Variants in SERBP1 observed in about 807,000 individuals in gnomAD.
The protein encoded by SERBP1 is SERPINE1 mRNA binding protein 1, also known as SERPINE1 mRNA-binding protein 1.
SERBP1 carries 6 observed loss-of-function variants against 50.2 expected under a neutral mutation model. That is an observed-to-expected ratio of 0.12 (90% CI 0.07 to 0.24). SERBP1 has a LOEUF of 0.24. SERBP1 is among the 10% of genes least tolerant of loss of function. The pLI, the probability that SERBP1 is intolerant of heterozygous loss-of-function variation, is 1.00. For synonymous variants in SERBP1, 168 were observed against 182.8 expected (o/e 0.92, Z 0.65); for missense variants, 346 against 524.9 (o/e 0.66, Z 3.33).
intron 5 of SERBP1, 76 bp from the exon 6 acceptor site, chr1:67,420,262 A>G: frequency 1.7e-6 from 2 of 1,197,252 alleles, no homozygotes; most frequent in Middle Eastern, 2.0e-4. Flanking sequence ...TTATGATTTT[A>G]ATTGAGAAAA....
chr1:67,420,495 T>C (rs1051729974), intron 5 of SERBP1: 3 of 211,042 alleles, frequency 1.4e-5, no homozygotes, highest in African/African-American at 2.3e-5. Flanking sequence ...TTAAAAACAC[T>C]ACCTTGTTTA....
rs746036357 is a variant in SERBP1 at position 67,430,314 on chromosome 1, C to T, written c.-14G>A. 7 of 1,484,058 alleles carry T rather than the reference C, an allele frequency of 4.7e-6. No individual in the cohort carries two copies. In the South Asian group the frequency reaches 9.7e-5, roughly 21 times the overall value. The allele number at this position is 1,484,058 out of a possible 1,614,324, so 91.9% of individuals were successfully genotyped here. Reference sequence around the variant, plus strand: ...GTGCCCAGGCATGATGGTGGCTCGGCGGCGCGTTCCTCCACGGATTGCAGC... The same window carrying T: ...GTGCCCAGGCATGATGGTGGCTCGGTGGCGCGTTCCTCCACGGATTGCAGC... On this transcript the variant is annotated 5_prime_UTR_variant, in exon 1 of 8. Coordinates refer to ENST00000361219, the MANE Select transcript of SERBP1 (RefSeq NM_001018069.2).
intron 6 of SERBP1, among the ~76,000 whole-genome samples, chr1:67,415,800 T>C (rs1433429995): frequency 6.6e-6 from 1 of 152,126 alleles, no homozygotes. Context: ...AGAAAAACTC[T>C]GTTCTACACT....
chr1:67,417,796 C>A (rs1322885508), intron 6 of SERBP1, among the ~76,000 whole-genome samples: 1 of 152,014 alleles, frequency 6.6e-6, no homozygotes, highest in Non-Finnish European at 1.5e-5. Context: ...CAGGTGTAAG[C>A]CACTGTGTCC....
At chr1:67,416,255 C>T (rs147160223) in intron 6 of SERBP1, among the ~76,000 whole-genome samples, 30 of 152,298 alleles carry the variant, frequency 2.0e-4, no homozygotes, top group African/African-American at 6.3e-4. Flanking sequence ...TCAAGCGATC[C>T]GCTGGCCTTG....
chr1:67,422,142 TC>T (rs1403777134), intron 5 of SERBP1, among the ~76,000 whole-genome samples: 1 of 152,218 alleles, frequency 6.6e-6, no homozygotes, highest in Non-Finnish European at 1.5e-5. Flanking sequence ...ATATCATTTT[TC>T]CTTATCCCAA....
chr1:67,417,752 C>A (rs1267340733), intron 6 of SERBP1, among the ~76,000 whole-genome samples: 1 of 152,044 alleles, frequency 6.6e-6, no homozygotes, highest in Non-Finnish European at 1.5e-5. Context: ...ACTCAACAAT[C>A]TGCCCACCTC....
intron 2 of SERBP1, among the ~76,000 whole-genome samples, 182 bp downstream of exon 2, chr1:67,425,953 C>G (rs1667359059): frequency 6.6e-6 from 1 of 152,140 alleles, no homozygotes; most frequent in South Asian, 2.1e-4. Context: ...GACCTCAGCT[C>G]TACAAAAAAA....
chr1:67,424,744 C>T (rs1293078894), intron 4 of SERBP1, 144 bp downstream of exon 4: 4 of 670,548 alleles, frequency 6.0e-6, no homozygotes, highest in Non-Finnish European at 1.0e-5. Context: ...ATAACCCAAA[C>T]CCATCCCATA....
In SERBP1 at chr1:67,430,341, G is replaced by C; in HGVS notation, c.-41C>G. On this transcript the variant is annotated 5_prime_UTR_variant, in exon 1 of 8. Coordinates refer to ENST00000361219, the MANE Select transcript of SERBP1 (RefSeq NM_001018069.2). Reference sequence around the variant, plus strand: ...GCGCGTTCCTCCACGGATTGCAGCGGGCCGCGCCGAGCCAAGAGCGCCTGC... The same window carrying C: ...GCGCGTTCCTCCACGGATTGCAGCGCGCCGCGCCGAGCCAAGAGCGCCTGC... 6.7e-7 allele frequency: 1 copy of C among 1,493,588 alleles called. No individual in the cohort carries two copies. The highest frequency in any genetic ancestry group is 8.9e-7 in the Non-Finnish European group (1 of 1,122,444). The allele number at this position is 1,493,588 out of a possible 1,614,324, so 92.5% of individuals were successfully genotyped here.
chr1:67,415,540 T>A (rs1049420277), intron 6 of SERBP1, among the ~76,000 whole-genome samples: 4 of 152,186 alleles, frequency 2.6e-5, no homozygotes, highest in African/African-American at 7.2e-5. Flanking sequence ...CTTTTCTCTA[T>A]CTCAAAATTG....
intron 1 of SERBP1, 48 bp downstream of exon 1, chr1:67,429,940 G>A (rs754726396): frequency 1.3e-6 from 2 of 1,517,684 alleles, no homozygotes; most frequent in Non-Finnish European, 1.8e-6. Context: ...CAGCCCCCTC[G>A]CTCCTTCCCT....
At chr1:67,415,943 T>C (rs1165287031) in intron 6 of SERBP1, among the ~76,000 whole-genome samples, 1 of 151,812 alleles carries the variant, frequency 6.6e-6, no homozygotes, top group Non-Finnish European at 1.5e-5. Flanking sequence ...CTACACACTT[T>C]ACATAAAGAG....
At chr1:67,415,083 C>T in intron 7 of SERBP1, 83 bp downstream of exon 7, 1 of 1,404,010 alleles carries the variant, frequency 7.1e-7, no homozygotes, top group South Asian at 1.7e-5. Flanking sequence ...CTTATGTTCC[C>T]AAAAGTGACA....
chr1:67,424,175 T>TA (rs934604573), intron 5 of SERBP1, 25 bp downstream of exon 5: 19 of 1,585,806 alleles, frequency 1.2e-5, no homozygotes, highest in Non-Finnish European at 8.5e-7. Flanking sequence ...TCTGGGTCAT[T>TA]ACTATTACAC....
rs190465041 is a variant in SERBP1 at position 67,411,801 on chromosome 1, T to C, written c.*1406A>G. The C allele has an allele frequency of 6.6e-6, 1 of 152,176 alleles. No homozygotes were observed. Among genetic ancestry groups the C allele is most frequent in the Non-Finnish European group, 1.5e-5 (1 of 68,012 alleles). 9.4% of individuals were successfully genotyped at this position (152,176 alleles called of 1,614,324 possible). ...TGACGTGACAAACAATTCTTAAAAA[T>C]TTTTTAAAAATTCCTTCACTGTTTA... On this transcript the variant is annotated 3_prime_UTR_variant, in exon 8 of 8. Transcript: ENST00000361219.
rs984815461 is a variant in SERBP1 at position 67,412,912 on chromosome 1, A to G, written c.*295T>C. On this transcript the variant is annotated 3_prime_UTR_variant, in exon 8 of 8. Coordinates refer to ENST00000361219, the MANE Select transcript of SERBP1 (RefSeq NM_001018069.2). ...ACCTATATTTCAAGTTTGGAAATGC[A>G]TATTTGCAAGCAGCAATACAAAAGT... The G allele has an allele frequency of 1.7e-4, 67 of 399,394 alleles. No homozygotes were observed. Among genetic ancestry groups the G allele is most frequent in the African/African-American group, 1.1e-3 (51 of 46,876 alleles). 24.7% of individuals were successfully genotyped at this position (399,394 alleles called of 1,614,324 possible). A position where few individuals can be genotyped will look rare whatever the true frequency, so the allele number is the denominator to read the frequency against.
chr1:67,424,223 A>C lies in SERBP1; in HGVS notation c.750T>G (p.His250Gln), dbSNP rs773582723. The C allele has an allele frequency of 2.5e-6, 4 of 1,612,056 alleles. No individual in the cohort carries two copies. In the Admixed American group the frequency reaches 6.7e-5, roughly 27 times the overall value. The change falls in exon 5 of 8, where the codon CAT (histidine) becomes CAG (glutamine). Residue 250 changes from histidine (H) to glutamine (Q), a missense_variant. This residue lies in a region of SERBP1 where 257 missense variants were observed against 331.2 expected (regional missense o/e 0.78). Coordinates refer to ENST00000361219, the MANE Select transcript of SERBP1 (RefSeq NM_001018069.2). ...TEETPEGEEHHPVADTENKEN... is the reference protein window; with the variant it reads ...TEETPEGEEHQPVADTENKEN... ...ACTTATTTTCAGTGTCTGCCACTGG[A>C]TGATGTTCTTCACCTTCAGGTGTTT...
chr1:67,422,446 G>A (rs1667230312), intron 5 of SERBP1, among the ~76,000 whole-genome samples: 1 of 151,414 alleles, frequency 6.6e-6, no homozygotes, highest in Non-Finnish European at 1.5e-5. Flanking sequence ...GGAGGCAGAG[G>A]TTGCAGTGAG....
Sources: gnomAD v4.1 joint callset for allele counts (sites outside exome capture counted in the v4.1 genomes callset) on GRCh38, gnomAD v4.1.1 for gene constraint, gnomAD v4.1.1 regional missense constraint, MANE v1.5 for transcripts, NCBI Gene and HGNC (gene_info 2026-07-23, HGNC 2026-07-21) for gene names.